The following TRAP1 variants were observed in gnomAD, a reference collection of about 807,000 sequenced individuals.
TRAP1 encodes the protein TNF receptor associated protein 1, also known as heat shock protein 75 kDa, mitochondrial.
Under a neutral mutation model 89.1 loss-of-function variants are expected in TRAP1, and 102 were observed. The ratio of observed to expected loss-of-function variants is 1.15; its 90% CI spans 0.98 to 1.35. The LOEUF (loss-of-function observed/expected upper bound fraction) is 1.35, where lower values mean the gene tolerates loss of function less well. Among genes scored for constraint, TRAP1 ranks in the 40% most tolerant of loss-of-function variants. The pLI is 0.00. For missense variants in TRAP1, 1,256 were observed against 945.3 expected, an observed-to-expected ratio of 1.33 and a Z score of -4.31; for synonymous variants, 508 against 388.0, an observed-to-expected ratio of 1.31 and a Z score of -3.64.
At chr16:3,704,849 A>AT (rs71392851) in intron 1 of TRAP1, among the ~76,000 whole-genome samples, 3,138 of 146,756 alleles carry the variant, frequency 0.021, 40 homozygotes, top group Non-Finnish European at 0.024. Flanking sequence ...CCAACCTCTT[A>AT]TTTTTTTTTT....
At chr16:3,686,513 C>T (rs2051140469) in intron 3 of TRAP1, among the ~76,000 whole-genome samples, 1 of 152,298 alleles carries the variant, frequency 6.6e-6, no homozygotes, top group South Asian at 2.1e-4. Context: ...CACAGGGTCT[C>T]GCTATGTTGC....
intron 10 of TRAP1, 97 bp from the exon 11 acceptor site, chr16:3,671,888 CA>C (rs2050918793): frequency 7.8e-7 from 1 of 1,287,076 alleles, no homozygotes; most frequent in African/African-American, 1.5e-5. Context: ...GCCTGGCCTT[CA>C]ACCCAGCACG....
chr16:3,662,279 A>ATTACCCACTAACTTGT (rs1317481573), intron 15 of TRAP1, 147 bp from the exon 16 acceptor site: 1 of 942,836 alleles, frequency 1.1e-6, no homozygotes, highest in Admixed American at 2.9e-5. Flanking sequence ...CTCCCTCCCC[A>ATTACCCACTAACTTGT]TTACCCACTA....
intron 12 of TRAP1, 121 bp from the exon 13 acceptor site, chr16:3,664,580 C>T (rs951876319): frequency 7.3e-6 from 8 of 1,100,666 alleles, no homozygotes; most frequent in Admixed American, 2.8e-5. Flanking sequence ...GGCCCTGACC[C>T]GAGGGACGGT....
rs759954462 is a variant in TRAP1 at position 3,662,933 on chromosome 16, C to T, written c.1743G>A (p.Glu581=). 6.2e-7 allele frequency: 1 copy of T among 1,612,704 alleles called. No homozygotes were observed. Among genetic ancestry groups the T allele is most frequent in the South Asian group, 1.1e-5 (1 of 91,080 alleles). ...AECLSEKETE[E]LMAWMRNVLG... ...GCACATTTCTCATCCAGGCCATGAG[C>T]TCCTCCGTCTCCTTCTCTGATAGGC... is the stretch of plus-strand genomic sequence containing the variant. The change falls in exon 15 of 18, where the codon GAG becomes GAA. Residue 581 remains glutamate (E), a synonymous_variant. Transcript: ENST00000246957.
chr16:3,658,611 T>C lies in TRAP1; in HGVS notation c.2013+182A>G, dbSNP rs796824214. ...TTGCTTGAACCCGGGAGGCAGAGGTTGTAGTGAGCCAAGATCGCGCCACTG... is the reference window on the plus strand; with the variant it reads ...TTGCTTGAACCCGGGAGGCAGAGGTCGTAGTGAGCCAAGATCGCGCCACTG... On this transcript the variant is annotated intron_variant, in intron 17 of 17. Coordinates refer to ENST00000246957, the MANE Select transcript of TRAP1 (RefSeq NM_016292.3). The C allele has an allele frequency of 1.3e-5, 8 of 619,692 alleles. No individual in the cohort carries two copies. In the African/African-American group the frequency reaches 1.5e-4, roughly 11 times the overall value. The allele number at this position is 619,692 out of a possible 1,614,324, so 38.4% of individuals were successfully genotyped here. A position where few individuals can be genotyped will look rare whatever the true frequency, so the allele number is the denominator to read the frequency against.
At chr16:3,709,555 T>C (rs920644901) in intron 1 of TRAP1, among the ~76,000 whole-genome samples, 1 of 152,186 alleles carries the variant, frequency 6.6e-6, no homozygotes, top group African/African-American at 2.4e-5. Context: ...ACCAGAGCTC[T>C]GTGGCGACAG....
At position 3,686,078 on chromosome 16, in the gene TRAP1, T is replaced by A. The variant is rs753036147; in HGVS notation, c.389A>T (p.Lys130Ile). The A allele has an allele frequency of 2.5e-6, 4 of 1,614,070 alleles. No individual in the cohort carries two copies. Among genetic ancestry groups the A allele is most frequent in the Non-Finnish European group, 3.4e-6 (4 of 1,180,014 alleles). Residue 130 changes from lysine to isoleucine, a missense_variant, in exon 4 of 18, where the codon AAA becomes ATA. By Grantham distance (102) the Lys-to-Ile change is moderately radical. Transcript: ENST00000246957. ...CAGTGCTTGGCCGTCAGACACCAGT[T>A]TGTGACGCAGTTTTTCCAAGGCATC... ...ASDALEKLRH[K>I]LVSDGQALPE...
intron 1 of TRAP1, among the ~76,000 whole-genome samples, chr16:3,714,532 G>A (rs1036926711): frequency 3.3e-5 from 5 of 152,156 alleles, no homozygotes; most frequent in African/African-American, 9.7e-5. Context: ...GGTGGCATGC[G>A]CCTGTAGTCC....
At chr16:3,665,790 C>T (rs1257689828) in intron 12 of TRAP1, among the ~76,000 whole-genome samples, 181 bp downstream of exon 12, 1 of 152,220 alleles carries the variant, frequency 6.6e-6, no homozygotes, top group Non-Finnish European at 1.5e-5. Context: ...TAAGGATGTG[C>T]CTGGAAGGTG....
intron 1 of TRAP1, among the ~76,000 whole-genome samples, chr16:3,711,289 G>C (rs1234099734): frequency 6.6e-6 from 1 of 151,988 alleles, no homozygotes; most frequent in Non-Finnish European, 1.5e-5. Flanking sequence ...CAATCTACAG[G>C]AATTCACCTG....
Position 3,662,004 on chromosome 16 carries a change from C to T in TRAP1, c.1923G>A (p.Thr641=), listed in dbSNP as rs79866444. The T allele has an allele frequency of 6.6e-5, 106 of 1,608,834 alleles. 1 individual carries two copies. Among genetic ancestry groups the T allele is most frequent in the South Asian group, 3.0e-4 (27 of 90,798 alleles). Reference sequence around the variant, plus strand: ...GGCCTCACCTGGGGTTGATCTCCAGCGTGGGCTGCAGGAGCTGTGCGCGCT... The same window carrying T: ...GGCCTCACCTGGGGTTGATCTCCAGTGTGGGCTGCAGGAGCTGTGCGCGCT... The part of the protein sequence containing the change: ...QEERAQLLQP[T]LEINPRHALI... Residue 641 remains threonine, a synonymous_variant, in exon 16 of 18, where the codon ACG becomes ACA. Coordinates refer to ENST00000246957, the MANE Select transcript of TRAP1 (RefSeq NM_016292.3).
chr16:3,707,857 CAA>C (rs60090855), intron 1 of TRAP1, among the ~76,000 whole-genome samples: 208 of 102,586 alleles, frequency 2.0e-3, no homozygotes, highest in Admixed American at 2.7e-3. Flanking sequence ...GACTCTAACT[CAA>C]AAAAAAAAAA....
chr16:3,685,615 C>T lies in TRAP1; in HGVS notation c.471+381G>A, dbSNP rs556866022. Among the ~76,000 whole-genome samples the T allele has an allele frequency of 2.0e-5, 3 of 152,300 alleles. No homozygotes were observed. In the South Asian group the frequency reaches 6.2e-4, roughly 32 times the overall value. On this transcript the variant is annotated intron_variant, in intron 4 of 17. Coordinates refer to ENST00000246957, the MANE Select transcript of TRAP1 (RefSeq NM_016292.3). ...CCTTAAAATTTCCACAAGGCTACAG[C>T]AGCAGCCACAGCACTGCTTCGTCGG...
chr16:3,711,262 T>C (rs531241525), intron 1 of TRAP1, among the ~76,000 whole-genome samples: 286 of 152,198 alleles, frequency 1.9e-3, no homozygotes, highest in African/African-American at 6.6e-3. Flanking sequence ...TTCAGCTACA[T>C]GTCCTTTCAA....
At chr16:3,680,463 GCT>G (rs1307261521) in intron 4 of TRAP1, among the ~76,000 whole-genome samples, 2 of 152,242 alleles carry the variant, frequency 1.3e-5, no homozygotes, top group African/African-American at 4.8e-5. Flanking sequence ...CCCTCTGGTG[GCT>G]CTCTCAATCC....
intron 1 of TRAP1, among the ~76,000 whole-genome samples, chr16:3,704,968 T>C (rs958090850): frequency 1.3e-5 from 2 of 152,182 alleles, no homozygotes; most frequent in African/African-American, 2.4e-5. Context: ...TTAGTAACTT[T>C]ATTGAGATGT....
chr16:3,658,237 G>A lies in TRAP1; in HGVS notation c.2014-7C>T, dbSNP rs187640053. The A allele has an allele frequency of 3.9e-4, 635 of 1,611,876 alleles. 2 individuals are homozygous for A. Among genetic ancestry groups the A allele is most frequent in the Non-Finnish European group, 3.4e-4 (398 of 1,178,450 alleles). On this transcript the variant is annotated splice_region_variant and splice_polypyrimidine_tract_variant and intron_variant, in intron 17 of 17. Transcript: ENST00000246957. ...TCATGGCGTTCTCGTATATCTGAAA[G>A]GCAAGAGGAGAAACCCATTATGAGG...
intron 1 of TRAP1, among the ~76,000 whole-genome samples, chr16:3,713,311 G>C (rs1278243610): frequency 6.6e-6 from 1 of 152,194 alleles, no homozygotes; most frequent in Non-Finnish European, 1.5e-5. Context: ...AGTACTGAAG[G>C]GGAGGGCGCA....
Sources: gnomAD v4.1 joint callset for allele counts (sites outside exome capture counted in the v4.1 genomes callset) on GRCh38, gnomAD v4.1.1 for gene constraint, MANE v1.5 for transcripts, NCBI Gene and HGNC (gene_info 2026-07-23, HGNC 2026-07-21) for gene names.